The following RAD51B variants were observed in gnomAD, a reference collection of about 807,000 sequenced individuals.
The protein encoded by RAD51B is DNA repair protein RAD51 homolog 2.
Under a neutral mutation model 42.2 loss-of-function variants are expected in RAD51B, and 38 were observed. The observed-to-expected ratio is 0.90, with a 90% CI of 0.70 to 1.18. The LOEUF is 1.18. Among genes scored for constraint, RAD51B ranks in the 50% most tolerant of loss-of-function variants. The probability of loss-of-function intolerance (pLI) is 0.00; values close to 1 mark genes in which losing one functional copy is unlikely to be tolerated. For synonymous variants in RAD51B, 154 were observed against 145.2 expected (o/e 1.06, Z -0.43); for missense variants, 373 against 400.7 (o/e 0.93, Z 0.59).
At chr14:68,407,194 A>G (rs1351797800) in intron 8 of RAD51B, among the ~76,000 whole-genome samples, 1 of 152,248 alleles carries the variant, frequency 6.6e-6, no homozygotes, top group Non-Finnish European at 1.5e-5. Flanking sequence ...ACATAAAAGT[A>G]TATATAGTAA....
intron 7 of RAD51B, among the ~76,000 whole-genome samples, chr14:68,132,535 G>C (rs1029671166): frequency 6.6e-6 from 1 of 152,186 alleles, no homozygotes; most frequent in African/African-American, 2.4e-5. Context: ...ATTGCATGTG[G>C]TGGAAACGTG....
At chr14:68,505,462 G>A (rs1235740976) in intron 10 of RAD51B, among the ~76,000 whole-genome samples, 1 of 151,802 alleles carries the variant, frequency 6.6e-6, no homozygotes, top group Non-Finnish European at 1.5e-5. Flanking sequence ...CACACAGTAA[G>A]AACTCTGGGT....
intron 11 of RAD51B, among the ~76,000 whole-genome samples, chr14:68,675,716 G>A (rs1213955809): frequency 6.6e-6 from 1 of 152,236 alleles, no homozygotes; most frequent in Non-Finnish European, 1.5e-5. Context: ...CAGAGATGGG[G>A]ACAATTCCAC....
In RAD51B at chr14:68,575,720, C is replaced by A. The variant is rs117328212; in HGVS notation, c.1037-18765C>A. Reference sequence around the variant, plus strand: ...AGCAGTCCCTGCACCCAGGCTCATGCCCCAGTTGGCAGCCAAGTTCATCCT... The same window carrying A: ...AGCAGTCCCTGCACCCAGGCTCATGACCCAGTTGGCAGCCAAGTTCATCCT... On this transcript the variant is annotated intron_variant, in intron 10 of 10. Coordinates refer to the RAD51B transcript ENST00000487270. Among the ~76,000 whole-genome samples the A allele has an allele frequency of 1.9e-3, 287 of 152,322 alleles. 1 individual carries two copies. Among genetic ancestry groups the A allele is most frequent in the South Asian group, 8.1e-3 (39 of 4,820 alleles).
At chr14:68,086,725 G>T (rs767651189) in intron 7 of RAD51B, among the ~76,000 whole-genome samples, 4 of 152,196 alleles carry the variant, frequency 2.6e-5, no homozygotes, top group Non-Finnish European at 5.9e-5. Flanking sequence ...CCAAAGTCAA[G>T]GGATGTTATT....
rs570271063 is a variant in RAD51B at position 67,872,919 on chromosome 14, A to G, written c.452+7780A>G. Among the ~76,000 whole-genome samples, 10 of 152,354 alleles carry G rather than the reference A, an allele frequency of 6.6e-5. No homozygotes were observed. In the South Asian group the frequency reaches 1.9e-3, roughly 28 times the overall value. Reference sequence around the variant, plus strand: ...AGCTGAAACTGGATGCCTTCCTTACACCTTATACAAAAATCAATTCAAGAT... The same window carrying G: ...AGCTGAAACTGGATGCCTTCCTTACGCCTTATACAAAAATCAATTCAAGAT... On this transcript the variant is annotated intron_variant, in intron 5 of 10. Coordinates refer to ENST00000471583, the MANE Select transcript of RAD51B (RefSeq NM_133510.4).
At chr14:68,659,862 G>A (rs887279576) in intron 11 of RAD51B, among the ~76,000 whole-genome samples, 3 of 152,248 alleles carry the variant, frequency 2.0e-5, no homozygotes, top group African/African-American at 7.2e-5. Flanking sequence ...GGCATCAGTA[G>A]GACTGACAAG....
chr14:67,976,371 G>A (rs1485009223), intron 7 of RAD51B, among the ~76,000 whole-genome samples: 5 of 151,844 alleles, frequency 3.3e-5, no homozygotes, highest in Admixed American at 2.6e-4. Flanking sequence ...TCTCATGTTG[G>A]CCTCCCAGCA....
At chr14:68,309,400 C>T (rs150533001) in intron 8 of RAD51B, among the ~76,000 whole-genome samples, 77 of 152,208 alleles carry the variant, frequency 5.1e-4, no homozygotes, top group African/African-American at 1.5e-3. Context: ...ATCACCATCA[C>T]GACTCAAGGA....
chr14:68,454,269 T>C (rs913541607), intron 9 of RAD51B, among the ~76,000 whole-genome samples: 1 of 152,166 alleles, frequency 6.6e-6, no homozygotes, highest in Non-Finnish European at 1.5e-5. Context: ...ACATTTTGGC[T>C]TAGGAGACTC....
At chr14:68,552,171 G>A (rs183190971) in intron 10 of RAD51B, among the ~76,000 whole-genome samples, 24 of 152,296 alleles carry the variant, frequency 1.6e-4, no homozygotes, top group Non-Finnish European at 3.1e-4. Flanking sequence ...GCCAGTGCTC[G>A]AAACCGCTGT....
intron 7 of RAD51B, among the ~76,000 whole-genome samples, chr14:68,175,965 C>G (rs2078955534): frequency 6.6e-6 from 1 of 152,186 alleles, no homozygotes. Context: ...GATGTTGCCT[C>G]TCTTTCCTTC....
At chr14:67,962,673 T>C (rs1186859281) in intron 7 of RAD51B, among the ~76,000 whole-genome samples, 1 of 152,162 alleles carries the variant, frequency 6.6e-6, no homozygotes, top group Non-Finnish European at 1.5e-5. Context: ...ATATAGTATC[T>C]GTGAGACCTT....
chr14:67,952,868 TA>T (rs1566975797), intron 7 of RAD51B, among the ~76,000 whole-genome samples: 2 of 151,594 alleles, frequency 1.3e-5, no homozygotes, highest in African/African-American at 4.8e-5. Context: ...AAAAGTTTTT[TA>T]GTTTAGTTTA....
chr14:68,625,330 A>G (rs2140118393), intron 10 of RAD51B, among the ~76,000 whole-genome samples: 1 of 152,308 alleles, frequency 6.6e-6, no homozygotes, highest in Non-Finnish European at 1.5e-5. Flanking sequence ...TTTTCTGCAT[A>G]CGCTGTGCCT....
At chr14:68,056,642 G>A (rs934211594) in intron 7 of RAD51B, among the ~76,000 whole-genome samples, 3 of 151,886 alleles carry the variant, frequency 2.0e-5, no homozygotes, top group East Asian at 2.0e-4. Flanking sequence ...CCAGCTACTC[G>A]GGAGGCTGAG....
intron 9 of RAD51B, among the ~76,000 whole-genome samples, chr14:68,442,328 G>A (rs943596037): frequency 2.0e-5 from 3 of 149,376 alleles, no homozygotes; most frequent in African/African-American, 7.4e-5. Context: ...GAATCTTTGT[G>A]TTCTAACAGT....
At chr14:68,249,367 T>TCTAAGTATACCCTACATTAAGAAA (rs1403353282) in intron 7 of RAD51B, among the ~76,000 whole-genome samples, 2 of 152,294 alleles carry the variant, frequency 1.3e-5, no homozygotes, top group African/African-American at 4.8e-5. Context: ...GTAATAATAC[T>TCTAAGTATACCCTACATTAAGAAA]CTAAGTATAC....
At chr14:68,571,017 G>A (rs1188625019) in intron 10 of RAD51B, among the ~76,000 whole-genome samples, 1 of 152,104 alleles carries the variant, frequency 6.6e-6, no homozygotes, top group Non-Finnish European at 1.5e-5. Flanking sequence ...CTTCACATCA[G>A]CCAGTGAAGG....
Sources: gnomAD v4.1 joint callset for allele counts (sites outside exome capture counted in the v4.1 genomes callset) on GRCh38, gnomAD v4.1.1 for gene constraint, MANE v1.5 for transcripts, NCBI Gene and HGNC (gene_info 2026-07-23, HGNC 2026-07-21) for gene names.